Variants in MB21D2 observed in about 807,000 individuals in gnomAD.
MB21D2 encodes Mab-21 domain containing 2, also known as nucleotidyltransferase MB21D2.
In MB21D2, 9 loss-of-function variants were observed where a neutral mutation model predicts 33.3. The ratio of observed to expected loss-of-function variants is 0.27; its 90% CI spans 0.16 to 0.47. The LOEUF (loss-of-function observed/expected upper bound fraction) is 0.47. Among genes scored for constraint, MB21D2 ranks in the 20% least tolerant of loss-of-function variants. The pLI is 0.99. For missense variants in MB21D2, 540 were observed against 624.6 expected, an observed-to-expected ratio of 0.86 and a Z score of 1.44; for synonymous variants, 241 against 236.3, an observed-to-expected ratio of 1.02 and a Z score of -0.18.
chr3:192,884,401 CTG>C (rs979939473), intron 1 of MB21D2, among the ~76,000 whole-genome samples: 8 of 151,868 alleles, frequency 5.3e-5, no homozygotes, highest in Admixed American at 6.5e-5. Flanking sequence ...GAGTCTTGCT[CTG>C]TCACCCAGGC....
chr3:192,872,991 T>C (rs1713343450), intron 1 of MB21D2, among the ~76,000 whole-genome samples: 1 of 128,918 alleles, frequency 7.8e-6, no homozygotes, highest in South Asian at 2.8e-4. Context: ...AAACATAAAA[T>C]TCACAAGTTT....
chr3:192,907,145 A>G (rs913699168), intron 1 of MB21D2, among the ~76,000 whole-genome samples: 2 of 145,414 alleles, frequency 1.4e-5, no homozygotes, highest in African/African-American at 5.0e-5. Context: ...GCCTCACAGA[A>G]GGGCATAATT....
intron 1 of MB21D2, among the ~76,000 whole-genome samples, chr3:192,884,728 GC>G (rs1182633967): frequency 3.3e-5 from 5 of 152,054 alleles, no homozygotes; most frequent in African/African-American, 1.2e-4. Flanking sequence ...GCTGAATGGA[GC>G]CTCTTTTTCT....
intron 1 of MB21D2, among the ~76,000 whole-genome samples, chr3:192,906,989 T>A (rs187833758): frequency 6.6e-6 from 1 of 152,302 alleles, no homozygotes; most frequent in South Asian, 2.1e-4. Flanking sequence ...GGAAAAAATA[T>A]AAAATATAAA....
chr3:192,805,388 C>T (rs1222517746), intron 1 of MB21D2, among the ~76,000 whole-genome samples: 2 of 152,156 alleles, frequency 1.3e-5, no homozygotes, highest in Non-Finnish European at 2.9e-5. Context: ...GTTATTAGTA[C>T]TCACAATTAG....
At chr3:192,916,916 G>A (rs1714479356) in intron 1 of MB21D2, among the ~76,000 whole-genome samples, 1 of 152,194 alleles carries the variant, frequency 6.6e-6, no homozygotes, top group South Asian at 2.1e-4. Flanking sequence ...CCAGAGCTCC[G>A]CGCCTAGTCA....
At chr3:192,909,963 A>G (rs1361180292) in intron 1 of MB21D2, among the ~76,000 whole-genome samples, 1 of 131,922 alleles carries the variant, frequency 7.6e-6, no homozygotes, top group African/African-American at 2.8e-5. Flanking sequence ...AAAAAAAAAA[A>G]GAAAGAGAGA....
At chr3:192,829,357 T>C (rs1007748303) in intron 1 of MB21D2, among the ~76,000 whole-genome samples, 4 of 152,242 alleles carry the variant, frequency 2.6e-5, no homozygotes, top group African/African-American at 9.6e-5. Context: ...TGTGTAGAAA[T>C]AAATTCCATT....
chr3:192,802,745 A>G (rs906349555), intron 1 of MB21D2, among the ~76,000 whole-genome samples: 3 of 152,246 alleles, frequency 2.0e-5, no homozygotes, highest in African/African-American at 4.8e-5. Flanking sequence ...TGGAACAGTC[A>G]GTTTCAGTGA....
chr3:192,851,264 A>G (rs1461676023), intron 1 of MB21D2, among the ~76,000 whole-genome samples: 2 of 152,176 alleles, frequency 1.3e-5, no homozygotes, highest in African/African-American at 4.8e-5. Flanking sequence ...AAGGCCACCT[A>G]TTATGCAATT....
At chr3:192,808,407 C>T (rs1711712003) in intron 1 of MB21D2, among the ~76,000 whole-genome samples, 1 of 152,188 alleles carries the variant, frequency 6.6e-6, no homozygotes, top group Non-Finnish European at 1.5e-5. Context: ...TTCAAAAAGG[C>T]TATGAGAGCC....
At chr3:192,892,914 T>A (rs1173556953) in intron 1 of MB21D2, among the ~76,000 whole-genome samples, 1 of 152,216 alleles carries the variant, frequency 6.6e-6, no homozygotes, top group South Asian at 2.1e-4. Context: ...TCTGAACCTT[T>A]GAAATTGTAT....
At chr3:192,832,683 G>A (rs573362161) in intron 1 of MB21D2, among the ~76,000 whole-genome samples, 28 of 152,176 alleles carry the variant, frequency 1.8e-4, no homozygotes, top group African/African-American at 5.3e-4. Context: ...CCAGCTACTC[G>A]GGAGGCTGGG....
intron 1 of MB21D2, among the ~76,000 whole-genome samples, chr3:192,832,033 A>T (rs1194961663): frequency 2.6e-5 from 4 of 152,208 alleles, no homozygotes; most frequent in Non-Finnish European, 5.9e-5. Context: ...AGGAAAAAAA[A>T]CAGTCAAGGA....
chr3:192,902,508 C>T (rs764876387), intron 1 of MB21D2, among the ~76,000 whole-genome samples: 1 of 152,214 alleles, frequency 6.6e-6, no homozygotes, highest in Non-Finnish European at 1.5e-5. Flanking sequence ...CTTGGAACAT[C>T]GCCTAGCCAA....
chr3:192,811,348 T>C (rs1047146240), intron 1 of MB21D2, among the ~76,000 whole-genome samples: 1 of 152,160 alleles, frequency 6.6e-6, no homozygotes, highest in Non-Finnish European at 1.5e-5. Context: ...GTAATTCTTG[T>C]TTCTGGAACT....
chr3:192,840,253 C>T (rs1256529832), intron 1 of MB21D2, among the ~76,000 whole-genome samples: 1 of 151,926 alleles, frequency 6.6e-6, no homozygotes, highest in Non-Finnish European at 1.5e-5. Context: ...CAGAAAAGGG[C>T]AAATAACTGA....
intron 1 of MB21D2, among the ~76,000 whole-genome samples, chr3:192,819,454 G>GA (rs147439355): frequency 0.019 from 2,954 of 152,240 alleles, 50 homozygotes; most frequent in Middle Eastern, 0.027. Context: ...GAAGTGCAAG[G>GA]AAAGAATGTG....
chr3:192,798,641 C>T lies in MB21D2; in HGVS notation c.1221G>A (p.Pro407=), dbSNP rs3732388. The T allele has an allele frequency of 0.032, 52,384 of 1,613,658 alleles. 1,753 individuals carry two copies. The highest frequency in any genetic ancestry group is 0.14 in the East Asian group (6,397 of 44,862). The change falls in exon 2 of 2, where the codon CCG becomes CCA. Residue 407 remains proline, a synonymous_variant. Coordinates refer to ENST00000392452, the MANE Select transcript of MB21D2 (RefSeq NM_178496.4). The surrounding 1 kb of genome is among the most constrained non-coding windows in gnomAD (Gnocchi z 4.8). ...ARKLSSVRSD[P]AEHLRTAIEH... ...CAATGGCGGTGCGCAAGTGCTCTGC[C>T]GGGTCTGAGCGCACAGAGGACAGCT...
Sources: allele counts gnomAD v4.1 joint callset (sites outside exome capture counted in the v4.1 genomes callset), GRCh38; gene constraint gnomAD v4.1.1; non-coding constraint Gnocchi (gnomAD v3.1); transcripts MANE v1.5; gene names NCBI Gene and HGNC (gene_info 2026-07-23, HGNC 2026-07-21).